The following DACH2 variants were observed in gnomAD, a reference collection of about 807,000 sequenced individuals.
DACH2 encodes dachshund family transcription factor 2.
DACH2 carries 17 observed loss-of-function variants against 35.8 expected under a neutral mutation model. That is an observed-to-expected ratio of 0.48 (90% confidence interval 0.33 to 0.71). The LOEUF (loss-of-function observed/expected upper bound fraction) is 0.71. DACH2 is among the 30% of genes least tolerant of loss of function. DACH2 has a pLI of 0.02. For synonymous variants in DACH2, 195 were observed against 177.3 expected (o/e 1.10, Z -0.79); for missense variants, 469 against 472.7 (o/e 0.99, Z 0.07).
At chrX:86,306,198 T>C (rs1602385653) in intron 1 of DACH2, among the ~76,000 whole-genome samples, 1 of 112,026 alleles carries the variant, frequency 8.9e-6, no homozygotes, top group Admixed American at 9.5e-5. Context: ...TCAACCTAAA[T>C]GTCCATCAAA....
intron 3 of DACH2, among the ~76,000 whole-genome samples, chrX:86,597,279 G>A: frequency 8.9e-6 from 1 of 111,773 alleles, no homozygotes; most frequent in Non-Finnish European, 1.9e-5. Context: ...ATGTCTTTCT[G>A]TCTTCATTTT....
chrX:86,163,636 T>A (rs1165461426), intron 1 of DACH2, among the ~76,000 whole-genome samples: 1 of 111,174 alleles, frequency 9.0e-6, no homozygotes, highest in African/African-American at 3.3e-5. Flanking sequence ...CTTTTTTGTG[T>A]TCATAAGTTC....
At chrX:86,758,046 T>A (rs578071569) in intron 7 of DACH2, among the ~76,000 whole-genome samples, 1 of 112,248 alleles carries the variant, frequency 8.9e-6, no homozygotes, top group African/African-American at 3.2e-5. Flanking sequence ...TTTGTTAGTG[T>A]GTAGTTGTTC....
At chrX:86,801,252 C>T (rs1311520081) in intron 7 of DACH2, among the ~76,000 whole-genome samples, 1 of 108,365 alleles carries the variant, frequency 9.2e-6, no homozygotes, top group Non-Finnish European at 1.9e-5. Context: ...TGGAGTCCCA[C>T]TACATTGCCC....
chrX:86,821,389 T>A (rs1602991194), intron 11 of DACH2, among the ~76,000 whole-genome samples: 1 of 111,479 alleles, frequency 9.0e-6, no homozygotes, highest in East Asian at 2.8e-4. Flanking sequence ...CTAGAGAAAC[T>A]TTATTGCAAT....
intron 1 of DACH2, among the ~76,000 whole-genome samples, chrX:86,322,939 T>A (rs1602402737): frequency 9.0e-6 from 1 of 111,324 alleles, no homozygotes; most frequent in Non-Finnish European, 1.9e-5. Flanking sequence ...GAGGACATTT[T>A]TCTCCTCACT....
intron 1 of DACH2, among the ~76,000 whole-genome samples, chrX:86,247,728 G>A (rs2147948225): frequency 9.0e-6 from 1 of 111,205 alleles, no homozygotes; most frequent in East Asian, 2.8e-4. Flanking sequence ...ACCTGGCAGA[G>A]ACACAACACA....
chrX:86,268,935 A>G (rs1282245402), intron 1 of DACH2, among the ~76,000 whole-genome samples: 1 of 111,514 alleles, frequency 9.0e-6, no homozygotes, highest in Non-Finnish European at 1.9e-5. Flanking sequence ...CACATCTTAT[A>G]AAATGGAGTA....
At chrX:86,247,696 G>A (rs2033314074) in intron 1 of DACH2, among the ~76,000 whole-genome samples, 1 of 111,091 alleles carries the variant, frequency 9.0e-6, no homozygotes, top group African/African-American at 3.3e-5. Context: ...ATTCTATGAG[G>A]CCAGCATCAT....
Position 86,310,043 on chromosome X carries a change from C to T in DACH2, c.489-66781C>T, listed in dbSNP as rs776788755. On this transcript the variant is annotated intron_variant, in intron 1 of 11. Coordinates refer to ENST00000373125, the MANE Select transcript of DACH2 (RefSeq NM_053281.3). ...CCCATAGGGGAATCACAGCAAAGGCCTCTAAGATTTTGGAGCAAGAACCTG... is the reference window on the plus strand; with the variant it reads ...CCCATAGGGGAATCACAGCAAAGGCTTCTAAGATTTTGGAGCAAGAACCTG... Among the ~76,000 whole-genome samples, 5 of 112,301 alleles carry T rather than the reference C, an allele frequency of 4.5e-5. No homozygotes were observed. The South Asian group carries it at 1.8e-3, about 42-fold the overall frequency.
chrX:86,263,890 G>T (rs1335643201), intron 1 of DACH2, among the ~76,000 whole-genome samples: 2 of 111,805 alleles, frequency 1.8e-5, no homozygotes, highest in African/African-American at 3.3e-5. Context: ...TGGATAAAGA[G>T]AACTTTATTT....
chrX:86,503,302 T>G (rs2038277400), intron 2 of DACH2, among the ~76,000 whole-genome samples: 1 of 112,062 alleles, frequency 8.9e-6, no homozygotes, highest in Non-Finnish European at 1.9e-5. Context: ...CGGGATATTT[T>G]TCTAATCCTG....
intron 7 of DACH2, among the ~76,000 whole-genome samples, chrX:86,741,773 A>T (rs928432403): frequency 9.0e-6 from 1 of 111,198 alleles, no homozygotes; most frequent in African/African-American, 3.3e-5. Context: ...GGGGAAAGGG[A>T]TATATAGAGA....
chrX:86,458,780 C>T (rs2037518287), intron 2 of DACH2, among the ~76,000 whole-genome samples: 2 of 111,305 alleles, frequency 1.8e-5, no homozygotes, highest in African/African-American at 3.3e-5. Flanking sequence ...ATTGATCATG[C>T]AGAGGCATTA....
At chrX:86,249,714 G>T (rs1359534289) in intron 1 of DACH2, among the ~76,000 whole-genome samples, 2 of 111,198 alleles carry the variant, frequency 1.8e-5, no homozygotes, top group Non-Finnish European at 3.8e-5. Context: ...TATACCCAAA[G>T]GAATATAAAT....
At chrX:86,736,530 T>C (rs2041598371) in intron 6 of DACH2, among the ~76,000 whole-genome samples, 1 of 111,653 alleles carries the variant, frequency 9.0e-6, no homozygotes, top group Admixed American at 9.6e-5. Context: ...TAATATTAGT[T>C]AATATCAATT....
In DACH2 at chrX:86,228,510, C is replaced by T. The variant is rs186374542; in HGVS notation, c.488+79402C>T. Among the ~76,000 whole-genome samples the T allele has an allele frequency of 1.3e-3, 143 of 108,982 alleles. 1 individual carries two copies. The highest frequency in any genetic ancestry group is 4.7e-3 in the African/African-American group (140 of 29,735). 94.6% of individuals were successfully genotyped at this position (108,982 alleles called of 115,157 possible). A position where few individuals can be genotyped will look rare whatever the true frequency, so the allele number is the denominator to read the frequency against. On this transcript the variant is annotated intron_variant, in intron 1 of 11. Transcript: ENST00000373125. ...GGGTTTGCTGGATCAAATGGTGGTT[C>T]TACTTTTAGTTCTTTAAGAAATCTC...
chrX:86,156,557 A>G lies in DACH2; in HGVS notation c.488+7449A>G, dbSNP rs193031599. Reference sequence around the variant, plus strand: ...TAAAGGTATCAAAATCTAATATATGAACTTAGAATATTTGAAATGAAGTAT... The same window carrying G: ...TAAAGGTATCAAAATCTAATATATGGACTTAGAATATTTGAAATGAAGTAT... On this transcript the variant is annotated intron_variant, in intron 1 of 11. Transcript: ENST00000373125. Among the ~76,000 whole-genome samples, 80 of 111,821 alleles carry G rather than the reference A, an allele frequency of 7.2e-4. 1 individual carries two copies. The highest frequency in any genetic ancestry group is 2.3e-3 in the African/African-American group (70 of 30,978).
At chrX:86,311,846 C>G (rs1263176854) in intron 1 of DACH2, among the ~76,000 whole-genome samples, 1 of 111,449 alleles carries the variant, frequency 9.0e-6, no homozygotes, top group Non-Finnish European at 1.9e-5. Flanking sequence ...TGAAATCAGT[C>G]TACTACTCCA....
Sources: allele counts gnomAD v4.1 joint callset (sites outside exome capture counted in the v4.1 genomes callset), GRCh38; gene constraint gnomAD v4.1.1; transcripts MANE v1.5; gene names NCBI Gene and HGNC (gene_info 2026-07-23, HGNC 2026-07-21).